The following RNFT2 variants were observed in gnomAD, a reference collection of about 807,000 sequenced individuals.
RNFT2 encodes the protein ring finger protein, transmembrane 2, also known as E3 ubiquitin-protein ligase RNFT2.
A neutral mutation model predicts 53.0 loss-of-function variants in RNFT2; 36 were observed. The observed-to-expected ratio is 0.68, with a 90% CI of 0.52 to 0.90. The LOEUF is 0.90. RNFT2 is among the 40% of genes least tolerant of loss of function. RNFT2 has a pLI of 0.00. For missense variants in RNFT2, 514 were observed against 585.6 expected (o/e 0.88, Z 1.26); for synonymous variants, 260 against 253.2 (o/e 1.03, Z -0.26).
In RNFT2 at chr12:116,750,232, G is replaced by A. The variant is rs1366001592; in HGVS notation, c.475G>A (p.Val159Met). The A allele has an allele frequency of 1.9e-6, 3 of 1,607,860 alleles. No homozygotes were observed. Among genetic ancestry groups the A allele is most frequent in the Admixed American group, 1.7e-5 (1 of 59,882 alleles). Residue 159 changes from valine (V) to methionine (M), a missense_variant, in exon 4 of 11, where the codon GTG becomes ATG. Around this residue, in one of 3 missense-constraint regions of RNFT2, gnomAD observed 237 missense variants for 235.1 expected, o/e 1.01. Transcript: ENST00000257575. ...PAPALSELKA[V>M]ICWLQKGLPF... ...CCCCGCCCTGTCCGAGCTGAAGGCTGTGATCTGCTGGCTCCAGAAAGGACT... is the reference window on the plus strand; with the variant it reads ...CCCCGCCCTGTCCGAGCTGAAGGCTATGATCTGCTGGCTCCAGAAAGGACT...
intron 4 of RNFT2, among the ~76,000 whole-genome samples, chr12:116,751,478 A>G (rs1335576803): frequency 6.6e-6 from 1 of 151,886 alleles, no homozygotes; most frequent in Non-Finnish European, 1.5e-5. Context: ...ACCTCTGCTC[A>G]CTGCAACCTC....
At chr12:116,750,387 C>T in intron 4 of RNFT2, 80 bp downstream of exon 4, 1 of 1,357,492 alleles carries the variant, frequency 7.4e-7, no homozygotes, top group Non-Finnish European at 1.0e-6. Flanking sequence ...GGGGCTCCTC[C>T]TCTGAAGCCC....
chr12:116,743,759 C>T (rs1871759828), intron 3 of RNFT2, among the ~76,000 whole-genome samples: 1 of 152,114 alleles, frequency 6.6e-6, no homozygotes, highest in South Asian at 2.1e-4. Flanking sequence ...ATGGTATCCC[C>T]CGGTCCCAGC....
chr12:116,747,610 CCTG>C (rs1185875462), intron 3 of RNFT2, among the ~76,000 whole-genome samples: 2 of 152,134 alleles, frequency 1.3e-5, no homozygotes, highest in Non-Finnish European at 2.9e-5. Context: ...AAGCCTCCCT[CCTG>C]CTGCCATTTC....
intron 7 of RNFT2, among the ~76,000 whole-genome samples, chr12:116,784,273 G>T (rs946899746): frequency 6.6e-5 from 10 of 152,192 alleles, no homozygotes; most frequent in Non-Finnish European, 4.4e-5. Flanking sequence ...TGCAGCTCAC[G>T]GTCTGTGGTA....
At chr12:116,833,769 T>C (rs1876809217) in intron 7 of RNFT2, 23 bp from the exon 8 acceptor site, 3 of 1,611,034 alleles carry the variant, frequency 1.9e-6, no homozygotes, top group Non-Finnish European at 2.5e-6. Flanking sequence ...TAATAATAAT[T>C]GATGTTCTCT....
At position 116,750,261 on chromosome 12, in the gene RNFT2, C is replaced by A; in HGVS notation, c.504C>A (p.Pro168=). Residue 168 remains proline, a synonymous_variant, in exon 4 of 11, where the codon CCC becomes CCA. Transcript: ENST00000257575. ...TCTGCTGGCTCCAGAAAGGACTCCC[C>A]TTCATCCTGATCCTCCTGGCCAAAC... ...AVICWLQKGL[P]FILILLAKLC... 1 of 1,606,950 alleles carries A rather than the reference C, an allele frequency of 6.2e-7. No homozygotes were observed.
At chr12:116,814,499 A>G (rs1250541463) in intron 7 of RNFT2, among the ~76,000 whole-genome samples, 1 of 152,044 alleles carries the variant, frequency 6.6e-6, no homozygotes, top group Admixed American at 6.6e-5. Context: ...GGGGAAGAGG[A>G]TTCCAGGCTG....
intron 1 of RNFT2, among the ~76,000 whole-genome samples, chr12:116,739,980 C>T (rs1290336226): frequency 6.6e-6 from 1 of 152,084 alleles, no homozygotes; most frequent in African/African-American, 2.4e-5. Context: ...CCAAGGCAGG[C>T]GGATCACTTG....
chr12:116,793,966 G>A (rs1038175604), intron 7 of RNFT2, among the ~76,000 whole-genome samples: 1 of 152,148 alleles, frequency 6.6e-6, no homozygotes, highest in Non-Finnish European at 1.5e-5. Flanking sequence ...GTACCACTGT[G>A]GGCTGAATTC....
At chr12:116,755,368 T>C in intron 5 of RNFT2, 1 of 771,038 alleles carries the variant, frequency 1.3e-6, no homozygotes, top group East Asian at 2.5e-5. Flanking sequence ...CAGAGGTCTT[T>C]TTTTTTTTTT....
chr12:116,779,928 A>C (rs1446027780), intron 7 of RNFT2, among the ~76,000 whole-genome samples: 1 of 151,724 alleles, frequency 6.6e-6, no homozygotes. Context: ...AGCAGGGCTC[A>C]GACAAGGTAT....
intron 7 of RNFT2, among the ~76,000 whole-genome samples, chr12:116,809,394 G>T (rs1043353955): frequency 5.9e-5 from 9 of 152,128 alleles, no homozygotes; most frequent in Non-Finnish European, 1.3e-4. Context: ...TGGCCTGGGG[G>T]GTCCAGCGCT....
chr12:116,803,095 A>T (rs202173486), intron 7 of RNFT2, among the ~76,000 whole-genome samples: 4 of 8,560 alleles, frequency 4.7e-4, no homozygotes, highest in African/African-American at 4.7e-4. Flanking sequence ...ACCCTGTCTT[A>T]AAAAAAAAAA....
chr12:116,812,644 C>T (rs1418974280), intron 7 of RNFT2, among the ~76,000 whole-genome samples: 2 of 151,832 alleles, frequency 1.3e-5, no homozygotes, highest in African/African-American at 4.8e-5. Context: ...AAACGGTTCT[C>T]CTGCCTCAGC....
chr12:116,803,676 C>T (rs1592968271), intron 7 of RNFT2, among the ~76,000 whole-genome samples: 1 of 152,152 alleles, frequency 6.6e-6, no homozygotes, highest in Non-Finnish European at 1.5e-5. Context: ...ATTTAGGGAT[C>T]GTGGCTTCTT....
At chr12:116,845,361 G>T (rs1299961567) in intron 10 of RNFT2, among the ~76,000 whole-genome samples, 2 of 151,748 alleles carry the variant, frequency 1.3e-5, no homozygotes, top group Non-Finnish European at 2.9e-5. Flanking sequence ...TTTGAGAGGG[G>T]TTTTCACCAG....
At chr12:116,814,300 A>G (rs1875528734) in intron 7 of RNFT2, among the ~76,000 whole-genome samples, 1 of 152,174 alleles carries the variant, frequency 6.6e-6, no homozygotes, top group African/African-American at 2.4e-5. Flanking sequence ...TGCACTTTCA[A>G]GGGACTTAGA....
chr12:116,754,436 G>T (rs2137080693), intron 5 of RNFT2, among the ~76,000 whole-genome samples: 1 of 152,278 alleles, frequency 6.6e-6, no homozygotes, highest in African/African-American at 2.4e-5. Flanking sequence ...GAATTGTGCT[G>T]CTATAAACTT....
Sources: allele counts gnomAD v4.1 joint callset (sites outside exome capture counted in the v4.1 genomes callset), GRCh38; gene constraint gnomAD v4.1.1; regional missense constraint gnomAD v4.1.1; transcripts MANE v1.5; gene names NCBI Gene and HGNC (gene_info 2026-07-23, HGNC 2026-07-21).